The following GALNT17 variants were observed in gnomAD, a reference collection of about 807,000 sequenced individuals.
GALNT17 encodes polypeptide N-acetylgalactosaminyltransferase 17.
GALNT17 carries 29 observed loss-of-function variants against 63.7 expected under a neutral mutation model. The ratio of observed to expected loss-of-function variants is 0.46; its 90% confidence interval spans 0.34 to 0.62. The LOEUF (loss-of-function observed/expected upper bound fraction) is 0.62, where lower values mean the gene tolerates loss of function less well. Ranked by LOEUF, GALNT17 falls within the 20% of genes least tolerant of loss-of-function variation. The pLI, the probability that GALNT17 is intolerant of heterozygous loss-of-function variation, is 0.01. For missense variants in GALNT17, 603 were observed against 799.6 expected (o/e 0.75, Z 2.97); for synonymous variants, 305 against 318.3 (o/e 0.96, Z 0.45).
intron 4 of GALNT17, 150 bp from the exon 5 acceptor site, chr7:71,420,758 C>G: frequency 1.2e-6 from 1 of 853,414 alleles, no homozygotes; most frequent in Admixed American, 1.9e-5. Context: ...CCAGCGTGGG[C>G]AGGTCCCTGG....
At chr7:71,315,866 A>C (rs1166426858) in intron 1 of GALNT17, among the ~76,000 whole-genome samples, 1 of 152,132 alleles carries the variant, frequency 6.6e-6, no homozygotes, top group Non-Finnish European at 1.5e-5. Context: ...TAACTGGGAC[A>C]TGGAAGGGTG....
chr7:71,411,246 G>A (rs529145555), intron 3 of GALNT17, among the ~76,000 whole-genome samples: 135 of 152,086 alleles, frequency 8.9e-4, no homozygotes, highest in Non-Finnish European at 1.6e-3. Flanking sequence ...CCAGCCTCTC[G>A]AGTAGCTGGG....
At chr7:71,313,843 C>A (rs768568992) in intron 1 of GALNT17, among the ~76,000 whole-genome samples, 1 of 152,010 alleles carries the variant, frequency 6.6e-6, no homozygotes, top group Non-Finnish European at 1.5e-5. Flanking sequence ...GTTGCAGAGC[C>A]CCCTCAGAAA....
intron 5 of GALNT17, among the ~76,000 whole-genome samples, chr7:71,523,780 T>TAAAG (rs1788569825): frequency 7.1e-6 from 1 of 141,226 alleles, no homozygotes; most frequent in Non-Finnish European, 1.5e-5. Context: ...AATAAATAAA[T>TAAAG]AAATAATAAA....
intron 6 of GALNT17, among the ~76,000 whole-genome samples, chr7:71,590,651 A>G (rs1451881867): frequency 2.6e-5 from 4 of 152,214 alleles, no homozygotes; most frequent in Admixed American, 6.5e-5. Flanking sequence ...ACCTGCCCCT[A>G]TTCTATTTAG....
At chr7:71,634,328 C>G (rs1790497918) in intron 6 of GALNT17, among the ~76,000 whole-genome samples, 1 of 152,194 alleles carries the variant, frequency 6.6e-6, no homozygotes, top group Admixed American at 6.5e-5. Context: ...GAGATTTATT[C>G]TGAGCCGAAT....
intron 1 of GALNT17, among the ~76,000 whole-genome samples, chr7:71,180,406 C>T (rs1048666182): frequency 7.9e-5 from 12 of 152,046 alleles, no homozygotes; most frequent in African/African-American, 2.7e-4. Context: ...GGATTACAGG[C>T]GTGAACCACC....
chr7:71,146,361 G>T (rs888345655), intron 1 of GALNT17, among the ~76,000 whole-genome samples: 6 of 152,198 alleles, frequency 3.9e-5, no homozygotes, highest in African/African-American at 1.4e-4. Flanking sequence ...AGATCATGTT[G>T]CAGGGGCAAG....
At chr7:71,701,076 A>C (rs1039507954) in intron 9 of GALNT17, among the ~76,000 whole-genome samples, 1 of 152,228 alleles carries the variant, frequency 6.6e-6, no homozygotes, top group African/African-American at 2.4e-5. Context: ...TAAGGAAAAT[A>C]GATGGTTTAA....
At chr7:71,590,562 G>A (rs1163461340) in intron 6 of GALNT17, among the ~76,000 whole-genome samples, 3 of 152,120 alleles carry the variant, frequency 2.0e-5, no homozygotes, top group Non-Finnish European at 4.4e-5. Flanking sequence ...GGGTTTCTGG[G>A]GCAAGGCCCT....
At chr7:71,505,458 T>A (rs1349384707) in intron 5 of GALNT17, among the ~76,000 whole-genome samples, 1 of 152,096 alleles carries the variant, frequency 6.6e-6, no homozygotes, top group Non-Finnish European at 1.5e-5. Flanking sequence ...ACATTAGCCA[T>A]ATGGGGTGGC....
At chr7:71,194,280 C>T (rs747536522) in intron 1 of GALNT17, among the ~76,000 whole-genome samples, 1 of 152,092 alleles carries the variant, frequency 6.6e-6, no homozygotes, top group Non-Finnish European at 1.5e-5. Flanking sequence ...AGGAACTTGC[C>T]CCAGGCCACT....
At chr7:71,192,531 G>C (rs6969836) in intron 1 of GALNT17, among the ~76,000 whole-genome samples, 1 of 151,942 alleles carries the variant, frequency 6.6e-6, no homozygotes, top group South Asian at 2.1e-4. Flanking sequence ...AAGTAGCCGG[G>C]ATTACAAGTA....
At chr7:71,420,256 G>T (rs901421129) in intron 4 of GALNT17, among the ~76,000 whole-genome samples, 2 of 152,190 alleles carry the variant, frequency 1.3e-5, no homozygotes, top group East Asian at 3.9e-4. Flanking sequence ...CCTCGAGCTG[G>T]GGAAGTGAGC....
intron 1 of GALNT17, among the ~76,000 whole-genome samples, chr7:71,185,730 A>G (rs917846448): frequency 6.6e-6 from 1 of 151,268 alleles, no homozygotes; most frequent in African/African-American, 2.4e-5. Context: ...GATGGTCTCA[A>G]TCTCCTGACC....
intron 1 of GALNT17, among the ~76,000 whole-genome samples, chr7:71,202,352 T>G (rs1251639782): frequency 6.6e-6 from 1 of 152,222 alleles, no homozygotes; most frequent in Non-Finnish European, 1.5e-5. Flanking sequence ...CATAACAGTT[T>G]TTTCAAGTGT....
intron 6 of GALNT17, among the ~76,000 whole-genome samples, chr7:71,576,324 G>T (rs1167271977): frequency 1.3e-5 from 2 of 152,182 alleles, no homozygotes; most frequent in Non-Finnish European, 2.9e-5. Flanking sequence ...GCATTGAATT[G>T]TGAAAACACT....
At chr7:71,341,271 G>T (rs1172843891) in intron 2 of GALNT17, among the ~76,000 whole-genome samples, 1 of 152,082 alleles carries the variant, frequency 6.6e-6, no homozygotes, top group African/African-American at 2.4e-5. Flanking sequence ...TAGAAAAAAA[G>T]AAATGAAAAT....
intron 2 of GALNT17, among the ~76,000 whole-genome samples, chr7:71,342,069 G>C (rs1237993629): frequency 1.3e-5 from 2 of 152,150 alleles, no homozygotes; most frequent in South Asian, 2.1e-4. Flanking sequence ...GCTTGGGACT[G>C]TTTACTGATT....
Sources: allele counts gnomAD v4.1 joint callset (sites outside exome capture counted in the v4.1 genomes callset), GRCh38; gene constraint gnomAD v4.1.1; transcripts MANE v1.5; gene names NCBI Gene and HGNC (gene_info 2026-07-23, HGNC 2026-07-21).